Variants in IQCJ observed in about 807,000 individuals in gnomAD.
IQCJ encodes IQ domain-containing protein J.
A neutral mutation model predicts 11.0 loss-of-function variants in IQCJ; 9 were observed. The observed-to-expected ratio is 0.82, with a 90% CI of 0.49 to 1.43. IQCJ has a LOEUF of 1.43. Among genes scored for constraint, IQCJ ranks in the 40% most tolerant of loss-of-function variants. The pLI is 0.00. For synonymous variants in IQCJ, 55 were observed against 51.3 expected (o/e 1.07, Z -0.31); for missense variants, 146 against 133.2 (o/e 1.10, Z -0.47).
intron 1 of IQCJ, among the ~76,000 whole-genome samples, chr3:159,116,469 C>T (rs1719005191): frequency 1.3e-5 from 2 of 151,574 alleles, no homozygotes; most frequent in Non-Finnish European, 2.9e-5. Context: ...GATTGTGGAT[C>T]TCTTAAGTTA....
chr3:159,146,425 C>T (rs1452573056), intron 1 of IQCJ, among the ~76,000 whole-genome samples: 1 of 152,150 alleles, frequency 6.6e-6, no homozygotes, highest in Non-Finnish European at 1.5e-5. Context: ...CCCTTTGAAG[C>T]TTACTTTAGA....
chr3:159,226,037 A>G (rs929241791), intron 1 of IQCJ, among the ~76,000 whole-genome samples: 1 of 152,192 alleles, frequency 6.6e-6, no homozygotes, highest in Non-Finnish European at 1.5e-5. Flanking sequence ...GTATGTGGGA[A>G]GGGATGTGGA....
chr3:159,213,634 C>A (rs1295845292), intron 1 of IQCJ, among the ~76,000 whole-genome samples: 1 of 152,104 alleles, frequency 6.6e-6, no homozygotes, highest in Non-Finnish European at 1.5e-5. Context: ...AAAAAAGACA[C>A]AAAACACCTT....
intron 1 of IQCJ, among the ~76,000 whole-genome samples, chr3:159,155,576 T>C (rs1721471372): frequency 1.3e-5 from 2 of 152,244 alleles, no homozygotes; most frequent in Non-Finnish European, 1.5e-5. Flanking sequence ...TCTAGTCTTT[T>C]ATAATATCAA....
chr3:159,252,884 C>T (rs1727685298), intron 3 of IQCJ, 77 bp downstream of exon 3: 2 of 1,415,516 alleles, frequency 1.4e-6, no homozygotes, highest in Non-Finnish European at 1.9e-6. Context: ...AATTTTCGGG[C>T]ACAACAGTTA....
At chr3:159,247,552 A>G (rs1435481166) in intron 2 of IQCJ, among the ~76,000 whole-genome samples, 1 of 152,218 alleles carries the variant, frequency 6.6e-6, no homozygotes, top group Non-Finnish European at 1.5e-5. Context: ...AAAACCCAGC[A>G]AGGCTGTCAG....
At chr3:159,243,759 C>T (rs1251362738) in intron 1 of IQCJ, among the ~76,000 whole-genome samples, 2 of 152,172 alleles carry the variant, frequency 1.3e-5, no homozygotes, top group East Asian at 1.9e-4. Flanking sequence ...GTAAATTATA[C>T]TCCAATTAAA....
intron 1 of IQCJ, among the ~76,000 whole-genome samples, chr3:159,242,569 CTT>C (rs35549315): frequency 0.014 from 1,913 of 139,754 alleles, 14 homozygotes; most frequent in African/African-American, 0.016. Context: ...CCAGCTGAAT[CTT>C]TTTTTTTTTT....
At chr3:159,179,576 A>AT (rs1429844829) in intron 1 of IQCJ, among the ~76,000 whole-genome samples, 1 of 151,536 alleles carries the variant, frequency 6.6e-6, no homozygotes, top group East Asian at 1.9e-4. Flanking sequence ...TATGTCTCAT[A>AT]TTTTTTCTTC....
chr3:159,164,083 T>A (rs1722030978), intron 1 of IQCJ, among the ~76,000 whole-genome samples: 4 of 152,228 alleles, frequency 2.6e-5, no homozygotes, highest in Admixed American at 2.6e-4. Context: ...TTGTGCTATA[T>A]TTGTTAATAG....
At chr3:159,122,472 G>A (rs944757407) in intron 1 of IQCJ, among the ~76,000 whole-genome samples, 6 of 152,072 alleles carry the variant, frequency 3.9e-5, no homozygotes, top group East Asian at 1.9e-4. Context: ...GACTTCCCTC[G>A]CACATTTTTT....
chr3:159,142,643 C>G (rs1456463980), intron 1 of IQCJ, among the ~76,000 whole-genome samples: 2 of 152,144 alleles, frequency 1.3e-5, no homozygotes, highest in Non-Finnish European at 2.9e-5. Flanking sequence ...GTCTCGAACT[C>G]CTGACGTCAG....
chr3:159,103,661 T>C (rs569174672), intron 1 of IQCJ, among the ~76,000 whole-genome samples: 1 of 152,358 alleles, frequency 6.6e-6, no homozygotes, highest in South Asian at 2.1e-4. Flanking sequence ...ATATTTCTCA[T>C]AGAAACTTTC....
chr3:159,255,406 C>T (rs1431361223), intron 3 of IQCJ, among the ~76,000 whole-genome samples: 1 of 152,204 alleles, frequency 6.6e-6, no homozygotes, highest in Non-Finnish European at 1.5e-5. Flanking sequence ...GAGACCTGTT[C>T]TCAGGTGTGG....
intron 1 of IQCJ, among the ~76,000 whole-genome samples, chr3:159,138,407 T>G (rs1720418499): frequency 1.3e-5 from 2 of 152,192 alleles, no homozygotes; most frequent in Admixed American, 1.3e-4. Context: ...ACCCATAAAA[T>G]TTTGAGAGAC....
chr3:159,192,498 A>G (rs1321628415), intron 1 of IQCJ, among the ~76,000 whole-genome samples: 1 of 152,158 alleles, frequency 6.6e-6, no homozygotes, highest in Admixed American at 6.5e-5. Context: ...CTGTGAAGCA[A>G]TTGTGACAAA....
At chr3:159,184,082 T>A (rs985733709) in intron 1 of IQCJ, among the ~76,000 whole-genome samples, 7 of 151,904 alleles carry the variant, frequency 4.6e-5, no homozygotes, top group African/African-American at 1.7e-4. Flanking sequence ...CATTAAACTT[T>A]GAATAAAATA....
At chr3:159,083,590 G>A (rs1028008248) in intron 1 of IQCJ, among the ~76,000 whole-genome samples, 2 of 152,072 alleles carry the variant, frequency 1.3e-5, no homozygotes, top group African/African-American at 4.8e-5. Flanking sequence ...CCATGCAACA[G>A]TATAATTGCA....
At chr3:159,194,441 C>G (rs1396116684) in intron 1 of IQCJ, among the ~76,000 whole-genome samples, 1 of 152,190 alleles carries the variant, frequency 6.6e-6, no homozygotes, top group Non-Finnish European at 1.5e-5. Context: ...TGATTCCTGT[C>G]AGATCCATTG....
Sources: allele counts gnomAD v4.1 joint callset (sites outside exome capture counted in the v4.1 genomes callset), GRCh38; gene constraint gnomAD v4.1.1; transcripts MANE v1.5; gene names NCBI Gene and HGNC (gene_info 2026-07-23, HGNC 2026-07-21).